Variants in PHACTR2 observed in about 807,000 individuals in gnomAD.
PHACTR2 encodes the protein chromosome 6 open reading frame 56.
A neutral mutation model predicts 76.0 loss-of-function variants in PHACTR2; 30 were observed. The ratio of observed to expected loss-of-function variants is 0.39; its 90% confidence interval spans 0.30 to 0.54. PHACTR2 has a LOEUF of 0.54. Ranked by LOEUF, PHACTR2 falls within the 20% of genes least tolerant of loss-of-function variation. The pLI, the probability that PHACTR2 is intolerant of heterozygous loss-of-function variation, is 0.61. For missense variants in PHACTR2, 696 were observed against 781.1 expected, an observed-to-expected ratio of 0.89 and a Z score of 1.30; for synonymous variants, 292 against 292.5, an observed-to-expected ratio of 1.00 and a Z score of 0.02.
At chr6:143,668,580 G>A (rs539464109) in intron 1 of PHACTR2, among the ~76,000 whole-genome samples, 4 of 152,144 alleles carry the variant, frequency 2.6e-5, no homozygotes, top group East Asian at 1.9e-4. Context: ...TCAGGGATTC[G>A]ACTTCTTCCT....
upstream of PHACTR2, among the ~76,000 whole-genome samples, chr6:143,674,203 T>C (rs541830784): frequency 3.3e-5 from 5 of 152,274 alleles, no homozygotes; most frequent in African/African-American, 1.2e-4. The surrounding 1 kb of genome is among the most constrained non-coding windows in gnomAD (Gnocchi z 4.9). Flanking sequence ...ACTGAGTTTA[T>C]ATTATCTAGT....
intron 1 of PHACTR2, among the ~76,000 whole-genome samples, chr6:143,612,386 G>A (rs1775992732): frequency 6.6e-6 from 1 of 152,192 alleles, no homozygotes; most frequent in African/African-American, 2.4e-5. Flanking sequence ...AACAGCTAAA[G>A]ATGGTGACTC....
intron 2 of PHACTR2, among the ~76,000 whole-genome samples, chr6:143,729,029 G>A (rs59307773): frequency 0.18 from 27,756 of 152,082 alleles, 3,085 homozygotes; most frequent in East Asian, 0.35. Flanking sequence ...CTCAGCAAAG[G>A]AAGCAGTCAA....
intron 2 of PHACTR2, among the ~76,000 whole-genome samples, chr6:143,736,185 C>T (rs1778814929): frequency 6.6e-6 from 1 of 152,086 alleles, no homozygotes; most frequent in African/African-American, 2.4e-5. Context: ...AATGGAGTCT[C>T]ACTATGTTGC....
In PHACTR2 at chr6:143,543,872, C is replaced by G. The variant is rs1781195469; in HGVS notation, c.217+6665C>G. On this transcript the variant is annotated intron_variant, in intron 1 of 11. Transcript: ENST00000367584. The surrounding 1 kb of genome is among the most constrained non-coding windows in gnomAD (Gnocchi z 4.7). ...ATATTCTGACATGAACACTGAAAGA[C>G]AGAGACAATGGTAGAAAGAGCACAG... is the stretch of plus-strand genomic sequence containing the variant. Among the ~76,000 whole-genome samples the G allele has an allele frequency of 6.6e-6, 1 of 152,142 alleles. No individual in the cohort carries two copies. The highest frequency in any genetic ancestry group is 6.5e-5 in the Admixed American group (1 of 15,274).
At chr6:143,740,243 C>G (rs894619038) in intron 2 of PHACTR2, among the ~76,000 whole-genome samples, 15 of 152,046 alleles carry the variant, frequency 9.9e-5, no homozygotes, top group Admixed American at 9.8e-4. Context: ...GAACAGAGAT[C>G]ACTCTTGTGG....
chr6:143,751,645 ATC>A lies in PHACTR2; in HGVS notation c.296-2105_296-2104del, dbSNP rs1779183923. Among the ~76,000 whole-genome samples, 1 of 151,892 alleles carries A rather than the reference ATC, an allele frequency of 6.6e-6. No homozygotes were observed. Among genetic ancestry groups the A allele is most frequent in the Non-Finnish European group, 1.5e-5 (1 of 67,966 alleles). On this transcript the variant is annotated intron_variant, in intron 3 of 12. Transcript: ENST00000440869. The surrounding 1 kb of genome is among the most constrained non-coding windows in gnomAD (Gnocchi z 5.7). ...AACCACTTGTTCCTGTTTGTGCTTT[ATC>A]TCTGTTTTCTTTAAGCTGACAACTA...
chr6:143,631,393 T>A (rs1476623568), intron 1 of PHACTR2, among the ~76,000 whole-genome samples: 2 of 152,066 alleles, frequency 1.3e-5, no homozygotes, highest in Non-Finnish European at 2.9e-5. Context: ...AGGGTCTCAC[T>A]GTGCTGCCCA....
chr6:143,579,219 T>G (rs970327549), intron 1 of PHACTR2, among the ~76,000 whole-genome samples: 1 of 152,218 alleles, frequency 6.6e-6, no homozygotes, highest in Admixed American at 6.5e-5. Context: ...ACTTATTTTT[T>G]TCTTATTGTA....
rs577677097 is a variant in PHACTR2, at chr6:143,539,939, A to G, written c.217+2732A>G. ...TAGGGATTCTGATTTCATTGGCATC[A>G]GGTGCATCCTGGCCATTAGATGACG... On this transcript the variant is annotated intron_variant, in intron 1 of 11. Coordinates refer to the PHACTR2 transcript ENST00000367584. This position sits in a 1 kb window ranked among gnomAD's most constrained non-coding sequence, Gnocchi z 4.3. Among the ~76,000 whole-genome samples, 14 of 152,296 alleles carry G rather than the reference A, an allele frequency of 9.2e-5. 1 individual carries two copies. Among genetic ancestry groups the G allele is most frequent in the African/African-American group, 3.4e-4 (14 of 41,568 alleles).
chr6:143,681,783 A>G (rs1777393230), intron 1 of PHACTR2, among the ~76,000 whole-genome samples: 1 of 152,222 alleles, frequency 6.6e-6, no homozygotes, highest in African/African-American at 2.4e-5. Flanking sequence ...GTAGGGTTTC[A>G]TTCTTTTACA....
In PHACTR2 at chr6:143,608,369, C is replaced by T; in HGVS notation, c.13+47C>T. ...TCTTCATAGCTGCTGGCTTCCTTTG[C>T]AGCCCGCATCCTTTACTGCGGAAGG... On this transcript the variant is annotated intron_variant, in intron 1 of 11. Transcript: ENST00000305766. This position sits in a 1 kb window ranked among gnomAD's most constrained non-coding sequence, Gnocchi z 4.6. 1 of 1,597,946 alleles carries T rather than the reference C, an allele frequency of 6.3e-7. No homozygotes were observed. Among genetic ancestry groups the T allele is most frequent in the Non-Finnish European group, 8.6e-7 (1 of 1,165,474 alleles).
rs1033424587 is a variant in PHACTR2, at chr6:143,726,850, A to G, written c.214+14667A>G. The stretch of plus-strand genomic sequence containing the variant: ...TAATATTTGTGTATATTTATAGGAT[A>G]CATGTGATATTTTGTTCCATTCATA... On this transcript the variant is annotated intron_variant, in intron 2 of 12. Coordinates refer to ENST00000440869, the MANE Select transcript of PHACTR2 (RefSeq NM_001100164.2). Among the ~76,000 whole-genome samples, 5 of 152,342 alleles carry G rather than the reference A, an allele frequency of 3.3e-5. No individual in the cohort carries two copies. The East Asian group carries it at 9.6e-4, about 29-fold the overall frequency.
At chr6:143,552,052 G>A (rs561562165) in intron 1 of PHACTR2, among the ~76,000 whole-genome samples, 193 of 152,260 alleles carry the variant, frequency 1.3e-3, no homozygotes, top group African/African-American at 4.4e-3. Context: ...CCCTCTCTTC[G>A]AGTTCACTTT....
intron 1 of PHACTR2, among the ~76,000 whole-genome samples, chr6:143,601,294 C>T (rs559361384): frequency 2.6e-5 from 4 of 152,226 alleles, no homozygotes; most frequent in South Asian, 2.1e-4. Flanking sequence ...AAAAAAAGGC[C>T]GTCTTGGGAT....
rs1266756159 is a variant in PHACTR2, at chr6:143,730,774, G to T, written c.215-18211G>T. Among the ~76,000 whole-genome samples the T allele has an allele frequency of 6.6e-6, 1 of 152,178 alleles. No individual in the cohort carries two copies. The highest frequency in any genetic ancestry group is 2.4e-5 in the African/African-American group (1 of 41,440). On this transcript the variant is annotated intron_variant, in intron 2 of 12. Transcript: ENST00000440869. The surrounding 1 kb of genome is among the most constrained non-coding windows in gnomAD (Gnocchi z 4.8). ...TGTGTGTTTGTTTGTTTGAGACGGA[G>T]TCTTGCTCTGTGGCCCAGGCTGGAG...
chr6:143,765,857 T>A lies in PHACTR2; in HGVS notation c.1232+59T>A, dbSNP rs1582856854. 2.1e-6 allele frequency: 3 copies of A among 1,402,804 alleles called. No individual in the cohort carries two copies. Among genetic ancestry groups the A allele is most frequent in the Admixed American group, 4.1e-5 (2 of 48,982 alleles). The allele number at this position is 1,402,804 out of a possible 1,614,324, so 86.9% of individuals were successfully genotyped here. A position where few individuals can be genotyped will look rare whatever the true frequency, so the allele number is the denominator to read the frequency against. ...AGAACTAAAGATCACTAATATATTC[T>A]GTTGGAAATGAAGCACCGGGTTTGC... On this transcript the variant is annotated intron_variant, in intron 6 of 12. Transcript: ENST00000440869. This position sits in a 1 kb window ranked among gnomAD's most constrained non-coding sequence, Gnocchi z 4.1.
In PHACTR2 at chr6:143,704,962, G is replaced by A. The variant is rs144518519; in HGVS notation, c.47-7054G>A. Among the ~76,000 whole-genome samples the A allele has an allele frequency of 4.0e-4, 60 of 149,730 alleles. No individual in the cohort carries two copies. The East Asian group carries it at 8.5e-3, about 21-fold the overall frequency. ...CCTGCCTCAGCCTCCCGAGTAGCGG[G>A]ACTACACACACGCTCCACCATGCCC... On this transcript the variant is annotated intron_variant, in intron 1 of 12. Coordinates refer to ENST00000440869, the MANE Select transcript of PHACTR2 (RefSeq NM_001100164.2).
At position 143,710,909 on chromosome 6, in the gene PHACTR2, T is replaced by C. The variant is rs1471740868; in HGVS notation, c.47-1107T>C. On this transcript the variant is annotated intron_variant, in intron 1 of 12. Transcript: ENST00000440869. The surrounding 1 kb of genome is among the most constrained non-coding windows in gnomAD (Gnocchi z 4.9). The stretch of plus-strand genomic sequence containing the variant: ...TGCTATATTTTACTTTATTGCACTT[T>C]TATCCATCTGCCTTTTCCATCTATC... 4.8e-6 allele frequency: 2 copies of C among 414,014 alleles called. No homozygotes were observed. Among genetic ancestry groups the C allele is most frequent in the Non-Finnish European group, 9.2e-6 (2 of 216,364 alleles). The allele number at this position is 414,014 out of a possible 1,614,324, so 25.6% of individuals were successfully genotyped here. A position where few individuals can be genotyped will look rare whatever the true frequency, so the allele number is the denominator to read the frequency against.
Sources: gnomAD v4.1 joint callset for allele counts (sites outside exome capture counted in the v4.1 genomes callset) on GRCh38, gnomAD v4.1.1 for gene constraint, Gnocchi (gnomAD v3.1) non-coding constraint, MANE v1.5 for transcripts, NCBI Gene and HGNC (gene_info 2026-07-23, HGNC 2026-07-21) for gene names.